Variants in ANKFN1 observed in about 807,000 individuals in gnomAD.
ANKFN1 encodes the protein ankyrin repeat and fibronectin type III domain containing 1.
ANKFN1 carries 74 observed loss-of-function variants against 108.7 expected under a neutral mutation model. That is an observed-to-expected ratio of 0.68 (90% CI 0.56 to 0.83). The LOEUF is 0.83. ANKFN1 is among the 40% of genes least tolerant of loss of function. ANKFN1 has a pLI of 0.00. For synonymous variants in ANKFN1, 547 were observed against 516.2 expected, an observed-to-expected ratio of 1.06 and a Z score of -0.81; for missense variants, 1,505 against 1,382.3, an observed-to-expected ratio of 1.09 and a Z score of -1.41.
At chr17:56,406,534 C>T (rs563153486) in intron 8 of ANKFN1, among the ~76,000 whole-genome samples, 2 of 152,194 alleles carry the variant, frequency 1.3e-5, no homozygotes, top group East Asian at 1.9e-4. Context: ...GGAGTGTTTA[C>T]GTATTTAATT....
chr17:56,389,851 G>A (rs1390665098), intron 8 of ANKFN1, among the ~76,000 whole-genome samples: 1 of 152,006 alleles, frequency 6.6e-6, no homozygotes, highest in Non-Finnish European at 1.5e-5. Context: ...TTCCACACCT[G>A]CTACATTACA....
chr17:56,255,586 T>C (rs919882294), intron 3 of ANKFN1, among the ~76,000 whole-genome samples: 2 of 152,192 alleles, frequency 1.3e-5, no homozygotes, highest in Non-Finnish European at 2.9e-5. Flanking sequence ...TATTTTTTAA[T>C]GGAAATTTTA....
intron 4 of ANKFN1, among the ~76,000 whole-genome samples, chr17:56,091,272 A>G (rs945440205): frequency 2.6e-5 from 4 of 151,386 alleles, no homozygotes; most frequent in Non-Finnish European, 5.9e-5. Context: ...TCAAAACTGT[A>G]AAACACAATG....
chr17:56,078,741 A>G (rs1905210627), intron 4 of ANKFN1, among the ~76,000 whole-genome samples: 1 of 152,228 alleles, frequency 6.6e-6, no homozygotes, highest in Admixed American at 6.5e-5. Context: ...TCCAAAATGT[A>G]TCTCTGGAAT....
intron 1 of ANKFN1, among the ~76,000 whole-genome samples, chr17:56,160,519 T>G (rs879842301): frequency 3.3e-5 from 5 of 152,216 alleles, no homozygotes; most frequent in Non-Finnish European, 7.3e-5. Context: ...CAACTGAACT[T>G]GTGGGAAAGT....
rs140863061 is a variant in ANKFN1, at chr17:56,267,957, G to A, written c.53+40000G>A. Among the ~76,000 whole-genome samples, 238 of 152,000 alleles carry A rather than the reference G, an allele frequency of 1.6e-3. 1 individual carries two copies. Among genetic ancestry groups the A allele is most frequent in the African/African-American group, 5.2e-3 (215 of 41,468 alleles). ...ATATTGGCATTTTGATAGAAATAGC[G>A]CTGAATCTGTAAATTATTTCAGGAA... On this transcript the variant is annotated intron_variant, in intron 3 of 20. Transcript: ENST00000682825.
At chr17:56,362,804 G>A (rs773688252) in intron 6 of ANKFN1, among the ~76,000 whole-genome samples, 17 of 152,298 alleles carry the variant, frequency 1.1e-4, no homozygotes, top group Non-Finnish European at 2.2e-4. Flanking sequence ...ACAGTGTTAA[G>A]AGACAACCTG....
intron 4 of ANKFN1, among the ~76,000 whole-genome samples, chr17:56,104,372 A>G (rs951775035): frequency 6.6e-6 from 1 of 152,238 alleles, no homozygotes; most frequent in Non-Finnish European, 1.5e-5. Context: ...GTCAAAGGCA[A>G]GCTCCTCATT....
chr17:56,082,450 A>C (rs1430091642), intron 4 of ANKFN1, among the ~76,000 whole-genome samples: 2 of 151,602 alleles, frequency 1.3e-5, no homozygotes, highest in Admixed American at 6.6e-5. Flanking sequence ...ACAAAAAAAA[A>C]CCACGAGGCA....
At chr17:56,316,672 G>A (rs982951258) in intron 3 of ANKFN1, among the ~76,000 whole-genome samples, 1 of 152,124 alleles carries the variant, frequency 6.6e-6, no homozygotes, top group African/African-American at 2.4e-5. Flanking sequence ...ATCTCATTTT[G>A]ACTGGCACTC....
At chr17:56,071,072 T>C (rs1170583916) in intron 4 of ANKFN1, among the ~76,000 whole-genome samples, 2 of 152,132 alleles carry the variant, frequency 1.3e-5, no homozygotes, top group African/African-American at 4.8e-5. Flanking sequence ...GATCCTTCCC[T>C]TCATCCTGCA....
intron 3 of ANKFN1, among the ~76,000 whole-genome samples, chr17:56,256,400 C>A (rs564566291): frequency 6.6e-6 from 1 of 152,236 alleles, no homozygotes; most frequent in South Asian, 2.1e-4. Flanking sequence ...GTTCTCTGTC[C>A]TCATAAAAGG....
intron 3 of ANKFN1, among the ~76,000 whole-genome samples, chr17:56,317,603 C>A (rs1003336457): frequency 6.6e-6 from 1 of 152,160 alleles, no homozygotes; most frequent in Non-Finnish European, 1.5e-5. Context: ...GAAGAGGATG[C>A]TCTTTCTTTC....
At position 56,142,922 on chromosome 17, in the gene ANKFN1, A is replaced by AT. The variant is rs1398326587; in HGVS notation, c.289-84989dup. 2.6e-5 allele frequency among the ~76,000 whole-genome samples: 4 copies of AT among 151,844 alleles called. No homozygotes were observed. In the East Asian group the frequency reaches 7.8e-4, roughly 29 times the overall value. The stretch of plus-strand genomic sequence containing the variant: ...TACTCTATGATTCCCCACTCCCACC[A>AT]TTTTTTCTATTTGGTCAGTTTTCCC... On this transcript the variant is annotated intron_variant, in intron 4 of 12. Transcript: ENST00000635860.
intron 9 of ANKFN1, among the ~76,000 whole-genome samples, chr17:56,440,777 A>T (rs2049077002): frequency 6.6e-6 from 1 of 152,178 alleles, no homozygotes; most frequent in Admixed American, 6.5e-5. Flanking sequence ...TGATGGTAAA[A>T]ATAACAGCTT....
In ANKFN1 at chr17:56,164,696, TCTGTGAC is replaced by T. The variant is rs534029935; in HGVS notation, c.-71+11171_-71+11177del. Among the ~76,000 whole-genome samples, 334 of 152,356 alleles carry T rather than the reference TCTGTGAC, an allele frequency of 2.2e-3. 4 individuals carry two copies. The highest frequency in any genetic ancestry group is 1.2e-3 in the Non-Finnish European group (80 of 68,030). ...CCCCAAGATTCCAAGTTGAAAATTG[TCTGTGAC>T]CTGTAGATTATTCTTGGGGCCTCTT... On this transcript the variant is annotated intron_variant, in intron 1 of 20. Transcript: ENST00000682825.
intron 8 of ANKFN1, among the ~76,000 whole-genome samples, chr17:56,410,252 T>A (rs2048050052): frequency 6.6e-6 from 1 of 152,074 alleles, no homozygotes; most frequent in African/African-American, 2.4e-5. Flanking sequence ...ATTTTTGCAT[T>A]TTTTGGTAGA....
intron 13 of ANKFN1, 135 bp downstream of exon 13, chr17:56,457,524 C>T: frequency 1.0e-6 from 1 of 1,003,180 alleles, no homozygotes; most frequent in East Asian, 2.5e-5. Context: ...AGGTCCTTTT[C>T]AGCCCTGGTA....
intron 4 of ANKFN1, among the ~76,000 whole-genome samples, chr17:56,328,081 A>T (rs866368741): frequency 2.0e-5 from 3 of 152,224 alleles, no homozygotes; most frequent in Non-Finnish European, 4.4e-5. Flanking sequence ...ATGTAAATAA[A>T]AAGGATTTTA....
Sources: allele counts gnomAD v4.1 joint callset (sites outside exome capture counted in the v4.1 genomes callset), GRCh38; gene constraint gnomAD v4.1.1; transcripts MANE v1.5; gene names NCBI Gene and HGNC (gene_info 2026-07-23, HGNC 2026-07-21).